Variants in SCAND3 observed in about 807,000 individuals in gnomAD.
SCAND3 encodes SCAN domain-containing protein 3.
the SCAND3 span, chr6:28,575,005 T>A: frequency 8.1e-5 from 131 of 1,613,910 alleles, no homozygotes; most frequent in Non-Finnish European, 1.1e-4. This position sits in a 1 kb window ranked among gnomAD's most constrained non-coding sequence, Gnocchi z 4.2. Flanking sequence ...CTCAATGTTT[T>A]CTTCATACTG....
At chr6:28,605,397 T>A in the SCAND3 span, among the ~76,000 whole-genome samples, 1 of 152,152 alleles carries the variant, frequency 6.6e-6, no homozygotes, top group African/African-American at 2.4e-5. Flanking sequence ...AAGATTTTTT[T>A]AAAGCAAGAA....
At chr6:28,573,133 A>G in the SCAND3 span, 1 of 1,612,032 alleles carries the variant, frequency 6.2e-7, no homozygotes, top group Non-Finnish European at 8.5e-7. Context: ...TTCAAACCTC[A>G]CATAGACTAA....
the SCAND3 span, chr6:28,591,750 C>T: frequency 1.3e-5 from 2 of 152,194 alleles, no homozygotes; most frequent in Non-Finnish European, 2.9e-5. Context: ...GCCTATTTAA[C>T]TCCATCTGGT....
At chr6:28,605,386 G>T in the SCAND3 span, among the ~76,000 whole-genome samples, 1 of 152,144 alleles carries the variant, frequency 6.6e-6, no homozygotes, top group Non-Finnish European at 1.5e-5. Flanking sequence ...ACTTTGTTGG[G>T]AAGATTTTTT....
the SCAND3 span, among the ~76,000 whole-genome samples, chr6:28,583,990 C>G: frequency 6.6e-6 from 1 of 152,188 alleles, no homozygotes; most frequent in Admixed American, 6.5e-5. Flanking sequence ...GGCTCAAAGG[C>G]TTTGGAATCA....
At chr6:28,581,867 G>A in the SCAND3 span, among the ~76,000 whole-genome samples, 38 of 152,188 alleles carry the variant, frequency 2.5e-4, no homozygotes, top group Admixed American at 4.6e-4. Flanking sequence ...ACATTTTGTC[G>A]GGAGGAAAGA....
the SCAND3 span, among the ~76,000 whole-genome samples, chr6:28,586,097 G>A: frequency 6.6e-6 from 1 of 151,876 alleles, no homozygotes; most frequent in African/African-American, 2.4e-5. This position sits in a 1 kb window ranked among gnomAD's most constrained non-coding sequence, Gnocchi z 4.4. Context: ...TTTCCATTTG[G>A]TTAAATCATT....
chr6:28,575,319 C>A, the SCAND3 span: 1 of 1,613,974 alleles, frequency 6.2e-7, no homozygotes, highest in Non-Finnish European at 8.5e-7. The surrounding 1 kb of genome is among the most constrained non-coding windows in gnomAD (Gnocchi z 4.2). Flanking sequence ...TCTGAGACTT[C>A]CCATGGACAA....
At chr6:28,608,402 G>A in the SCAND3 span, among the ~76,000 whole-genome samples, 1 of 151,960 alleles carries the variant, frequency 6.6e-6, no homozygotes, top group East Asian at 1.9e-4. Context: ...TGTCGCCACC[G>A]GACTTTGGGT....
the SCAND3 span, among the ~76,000 whole-genome samples, chr6:28,614,432 T>C: frequency 6.8e-4 from 103 of 152,294 alleles, 1 homozygote; most frequent in African/African-American, 2.3e-3. Flanking sequence ...AGGAGTATAT[T>C]TGTTGTCCAC....
the SCAND3 span, among the ~76,000 whole-genome samples, chr6:28,580,829 GTC>G: frequency 9.8e-5 from 11 of 112,318 alleles, no homozygotes; most frequent in Non-Finnish European, 1.6e-4. Context: ...CACAAATCTA[GTC>G]TCTTGATTCC....
chr6:28,615,548 C>T, the SCAND3 span, among the ~76,000 whole-genome samples: 4 of 149,608 alleles, frequency 2.7e-5, no homozygotes, highest in East Asian at 2.0e-4. Flanking sequence ...GGGAAGTGAG[C>T]CATGATCGCG....
chr6:28,572,428 A>T, the SCAND3 span: 1 of 1,613,014 alleles, frequency 6.2e-7, no homozygotes, highest in African/African-American at 1.3e-5. The surrounding 1 kb of genome is among the most constrained non-coding windows in gnomAD (Gnocchi z 4.1). Context: ...ATTATGAAAC[A>T]TGTCATAACA....
the SCAND3 span, among the ~76,000 whole-genome samples, chr6:28,612,100 G>A: frequency 6.6e-6 from 1 of 151,610 alleles, no homozygotes; most frequent in Non-Finnish European, 1.5e-5. Context: ...GCAGTGGCGC[G>A]ATCTCAGCTC....
At chr6:28,574,171 C>T in the SCAND3 span, among the ~76,000 whole-genome samples, 1 of 152,074 alleles carries the variant, frequency 6.6e-6, no homozygotes, top group East Asian at 1.9e-4. Flanking sequence ...TTGGATGTTG[C>T]AGTAATGTCA....
the SCAND3 span, chr6:28,597,884 T>G: frequency 2.0e-5 from 3 of 152,290 alleles, no homozygotes; most frequent in Non-Finnish European, 4.4e-5. Flanking sequence ...CCTTATACAT[T>G]TTTGCTTCTG....
the SCAND3 span, chr6:28,589,776 T>C: frequency 6.6e-6 from 1 of 151,818 alleles, no homozygotes; most frequent in African/African-American, 2.4e-5. Flanking sequence ...GAAGCCCTCC[T>C]CGCTGCCACA....
chr6:28,600,899 CTTTTT>C, the SCAND3 span, among the ~76,000 whole-genome samples: 1 of 119,668 alleles, frequency 8.4e-6, no homozygotes, highest in Non-Finnish European at 1.7e-5. Context: ...CAACATGTGC[CTTTTT>C]TTTTTTTTTT....
chr6:28,573,921 A>C, the SCAND3 span: 362 of 1,339,606 alleles, frequency 2.7e-4, 1 homozygote, highest in Non-Finnish European at 3.2e-4. Context: ...ATTTGATTAA[A>C]ATAAAAAATT....
Sources: gnomAD v4.1 joint callset for allele counts (sites outside exome capture counted in the v4.1 genomes callset) on GRCh38, gnomAD v4.1.1 for gene constraint, Gnocchi (gnomAD v3.1) non-coding constraint, MANE v1.5 for transcripts, NCBI Gene and HGNC (gene_info 2026-07-23, HGNC 2026-07-21) for gene names.